CSMD1: variants seen among roughly 807,000 people sequenced by gnomAD.
CSMD1 encodes the protein CUB and Sushi multiple domains 1, also known as CUB and sushi domain-containing protein 1.
In CSMD1, 213 loss-of-function variants were observed where a neutral mutation model predicts 417.5. That is an observed-to-expected ratio of 0.51 (90% confidence interval 0.46 to 0.57). The LOEUF (loss-of-function observed/expected upper bound fraction) is 0.57. Ranked by LOEUF, CSMD1 falls within the 20% of genes least tolerant of loss-of-function variation. CSMD1 has a pLI of 0.00. For synonymous variants in CSMD1, 2,862 were observed against 1,736.8 expected (o/e 1.65, Z -16.11); for missense variants, 6,923 against 4,529.7 (o/e 1.53, Z -15.17).
intron 40 of CSMD1, among the ~76,000 whole-genome samples, chr8:3,150,727 A>T (rs1374366279): frequency 6.6e-6 from 1 of 152,194 alleles, no homozygotes; most frequent in Non-Finnish European, 1.5e-5. Flanking sequence ...AGACTCAAAT[A>T]AATGAACTAA....
intron 5 of CSMD1, among the ~76,000 whole-genome samples, chr8:3,808,135 T>A (rs1222662441): frequency 1.3e-5 from 2 of 152,176 alleles, no homozygotes; most frequent in African/African-American, 4.8e-5. Flanking sequence ...TGCATCTCTG[T>A]GAAATCATCT....
intron 1 of CSMD1, among the ~76,000 whole-genome samples, chr8:4,740,096 C>G (rs1239558990): frequency 6.6e-6 from 1 of 152,036 alleles, no homozygotes; most frequent in African/African-American, 2.4e-5. Flanking sequence ...GGCTCTCTGT[C>G]TCTACTGCCA....
chr8:4,853,290 A>G (rs1193254261), intron 1 of CSMD1, among the ~76,000 whole-genome samples: 3 of 152,120 alleles, frequency 2.0e-5, no homozygotes, highest in Admixed American at 6.5e-5. Context: ...AGAAAGAACA[A>G]TTTTATGGGT....
intron 3 of CSMD1, among the ~76,000 whole-genome samples, chr8:4,153,531 T>C (rs1796676743): frequency 6.6e-6 from 1 of 152,242 alleles, no homozygotes; most frequent in Non-Finnish European, 1.5e-5. Context: ...AAGCACCAGC[T>C]GGTCCCTCGT....
chr8:4,246,053 G>A (rs1170849973), intron 3 of CSMD1, among the ~76,000 whole-genome samples: 2 of 152,114 alleles, frequency 1.3e-5, no homozygotes, highest in Non-Finnish European at 2.9e-5. Flanking sequence ...TAAGTTTAGT[G>A]GTAGAAGTGC....
Position 4,425,964 on chromosome 8 carries a change from G to C in CSMD1, c.303-5899C>G, listed in dbSNP as rs77975050. ...CATGCTAAAGTATCTTCATTTTAGA[G>C]AGGTAGACATAGCCCAAAATTAAAG... On this transcript the variant is annotated intron_variant, in intron 2 of 69. Coordinates refer to ENST00000635120, the MANE Select transcript of CSMD1 (RefSeq NM_033225.6). Among the ~76,000 whole-genome samples, 118 of 152,046 alleles carry C rather than the reference G, an allele frequency of 7.8e-4. 1 individual carries two copies. The highest frequency in any genetic ancestry group is 2.7e-3 in the African/African-American group (110 of 41,482).
chr8:3,363,474 G>C (rs1366171652), intron 20 of CSMD1, among the ~76,000 whole-genome samples: 1 of 152,114 alleles, frequency 6.6e-6, no homozygotes, highest in South Asian at 2.1e-4. Flanking sequence ...CTCTGACCTG[G>C]ACAGGAGGAG....
In CSMD1 at chr8:3,692,834, A is replaced by G. The variant is rs796421399; in HGVS notation, c.1009+15580T>C. On this transcript the variant is annotated intron_variant, in intron 7 of 69. Transcript: ENST00000635120. ...TAATATGCATGGCAAAAATATTATT[A>G]GGCATTAGTAATGTTTCTTTGGAAA... Among the ~76,000 whole-genome samples the G allele has an allele frequency of 4.6e-5, 7 of 152,202 alleles. No homozygotes were observed. In the South Asian group the frequency reaches 1.2e-3, roughly 27 times the overall value.
chr8:3,633,975 G>C (rs1048150222), intron 7 of CSMD1, among the ~76,000 whole-genome samples: 4 of 149,250 alleles, frequency 2.7e-5, no homozygotes, highest in Non-Finnish European at 5.9e-5. Flanking sequence ...ACATGAAGAT[G>C]AATATGCATG....
chr8:4,187,627 G>C (rs1266259440), intron 3 of CSMD1, among the ~76,000 whole-genome samples: 1 of 129,726 alleles, frequency 7.7e-6, no homozygotes, highest in Non-Finnish European at 1.6e-5. Context: ...AGTGAGCCGA[G>C]ATTGCATCAC....
chr8:4,991,784 C>T (rs1811481165), intron 1 of CSMD1, among the ~76,000 whole-genome samples: 1 of 152,230 alleles, frequency 6.6e-6, no homozygotes, highest in African/African-American at 2.4e-5. Context: ...ACGGCGACTC[C>T]GGCGCTGGCG....
At chr8:3,914,353 C>T (rs1357078866) in intron 5 of CSMD1, among the ~76,000 whole-genome samples, 1 of 151,644 alleles carries the variant, frequency 6.6e-6, no homozygotes, top group African/African-American at 2.4e-5. Flanking sequence ...AGGATGTGTC[C>T]CATTACGTTG....
intron 5 of CSMD1, among the ~76,000 whole-genome samples, chr8:3,974,078 G>A (rs1162441626): frequency 1.3e-5 from 2 of 151,740 alleles, no homozygotes; most frequent in Admixed American, 1.3e-4. Context: ...CTCTGAAATG[G>A]TAGGTCTTAT....
chr8:3,927,844 T>C (rs2554664), intron 5 of CSMD1, among the ~76,000 whole-genome samples: 2 of 152,216 alleles, frequency 1.3e-5, no homozygotes, highest in East Asian at 3.9e-4. Flanking sequence ...GTTTGGCAGA[T>C]ACTTTTTTAT....
intron 3 of CSMD1, among the ~76,000 whole-genome samples, chr8:4,168,456 A>G (rs1797581635): frequency 6.6e-6 from 1 of 152,024 alleles, no homozygotes; most frequent in Admixed American, 6.6e-5. Flanking sequence ...AATATAACGT[A>G]TTTTTAGAAA....
chr8:3,636,572 G>A (rs1797060595), intron 7 of CSMD1, among the ~76,000 whole-genome samples: 1 of 152,204 alleles, frequency 6.6e-6, no homozygotes, highest in South Asian at 2.1e-4. Context: ...GTAACTTTAT[G>A]CTGGTCATGA....
intron 3 of CSMD1, among the ~76,000 whole-genome samples, chr8:4,264,916 C>A (rs117645899): frequency 0.029 from 4,338 of 152,206 alleles, 71 homozygotes; most frequent in Middle Eastern, 0.1. Flanking sequence ...GGGTTTAAGT[C>A]CCATTTCTAA....
intron 2 of CSMD1, among the ~76,000 whole-genome samples, chr8:4,549,989 C>A (rs1797798904): frequency 6.7e-6 from 1 of 149,964 alleles, no homozygotes; most frequent in African/African-American, 2.5e-5. Context: ...ACTTTTGAGT[C>A]ACATTTCTGT....
chr8:4,412,154 G>GC (rs1483100815), intron 3 of CSMD1, among the ~76,000 whole-genome samples: 1 of 152,070 alleles, frequency 6.6e-6, no homozygotes, highest in African/African-American at 2.4e-5. Flanking sequence ...ATCTCAATGT[G>GC]CCTCTGATAT....
Sources: gnomAD v4.1 joint callset for allele counts (sites outside exome capture counted in the v4.1 genomes callset) on GRCh38, gnomAD v4.1.1 for gene constraint, MANE v1.5 for transcripts, NCBI Gene and HGNC (gene_info 2026-07-23, HGNC 2026-07-21) for gene names.